ROBO2: variants seen among roughly 807,000 people sequenced by gnomAD.
The protein encoded by ROBO2 is roundabout guidance receptor 2.
ROBO2 carries 53 observed loss-of-function variants against 160.8 expected under a neutral mutation model. That is an observed-to-expected ratio of 0.33 (90% CI 0.26 to 0.41). The LOEUF (loss-of-function observed/expected upper bound fraction) is 0.41, where lower values mean the gene tolerates loss of function less well. Among genes scored for constraint, ROBO2 ranks in the 10% least tolerant of loss-of-function variants. The probability of loss-of-function intolerance (pLI) is 1.00; values close to 1 mark genes in which losing one functional copy is unlikely to be tolerated. For missense variants in ROBO2, 1,577 were observed against 1,722.4 expected (o/e 0.92, Z 1.49); for synonymous variants, 664 against 611.7 (o/e 1.09, Z -1.26).
chr3:77,264,571 GC>G (rs2059005289), intron 2 of ROBO2, among the ~76,000 whole-genome samples: 1 of 152,014 alleles, frequency 6.6e-6, no homozygotes, highest in Non-Finnish European at 1.5e-5. Flanking sequence ...ATCTATGTCT[GC>G]CAGGAAGAGA....
At chr3:76,978,146 A>G (rs550841262) in intron 2 of ROBO2, among the ~76,000 whole-genome samples, 2 of 152,302 alleles carry the variant, frequency 1.3e-5, no homozygotes, top group South Asian at 4.1e-4. Context: ...GACACTTAGT[A>G]AAGCAATTGA....
chr3:76,967,827 G>C (rs1239732340), intron 2 of ROBO2, among the ~76,000 whole-genome samples: 1 of 152,058 alleles, frequency 6.6e-6, no homozygotes, highest in Non-Finnish European at 1.5e-5. Context: ...TTATAGGCCT[G>C]AGCCGTGCCT....
At chr3:77,394,837 C>G (rs7639939) in intron 2 of ROBO2, among the ~76,000 whole-genome samples, 117,071 of 152,094 alleles carry the variant, frequency 0.77, 45,951 homozygotes, top group African/African-American at 0.94. Context: ...ATCAGCAATA[C>G]TGTTGGTATC....
intron 2 of ROBO2, among the ~76,000 whole-genome samples, chr3:76,941,332 A>T (rs147445132): frequency 1.6e-3 from 245 of 152,286 alleles, no homozygotes; most frequent in Admixed American, 5.7e-3. Flanking sequence ...TTGTTAATTC[A>T]TCACTGCATT....
chr3:77,601,650 T>C (rs1460618210), intron 19 of ROBO2, among the ~76,000 whole-genome samples: 2 of 152,230 alleles, frequency 1.3e-5, no homozygotes, highest in African/African-American at 2.4e-5. Context: ...CTGAAAATTT[T>C]CCTTTGTTAT....
chr3:77,174,134 T>C (rs919435467), intron 2 of ROBO2, among the ~76,000 whole-genome samples: 2 of 152,106 alleles, frequency 1.3e-5, no homozygotes, highest in African/African-American at 4.8e-5. Flanking sequence ...AGTTAGGTTG[T>C]GCAGATGAGG....
chr3:76,580,654 C>G (rs1405285141), intron 2 of ROBO2, among the ~76,000 whole-genome samples: 1 of 151,954 alleles, frequency 6.6e-6, no homozygotes, highest in Admixed American at 6.6e-5. Flanking sequence ...ATGTCATTAT[C>G]TGAAAAATAG....
chr3:77,361,219 T>A (rs534373619), intron 2 of ROBO2, among the ~76,000 whole-genome samples: 2 of 152,310 alleles, frequency 1.3e-5, no homozygotes, highest in African/African-American at 4.8e-5. Context: ...TTTGTTCCAG[T>A]TAAATTTGAA....
At chr3:76,056,520 C>CT (rs2067853507) in intron 2 of ROBO2, among the ~76,000 whole-genome samples, 2 of 151,528 alleles carry the variant, frequency 1.3e-5, no homozygotes, top group African/African-American at 4.9e-5. Context: ...AAAAAAAACC[C>CT]ATTCACTTTT....
At chr3:77,092,003 A>C (rs1421031824) in intron 1 of ROBO2, 1 of 150,158 alleles carries the variant, frequency 6.7e-6, no homozygotes, top group Non-Finnish European at 1.5e-5. Flanking sequence ...AAATAAATAA[A>C]TAAATAAATA....
intron 2 of ROBO2, among the ~76,000 whole-genome samples, chr3:76,612,177 C>T (rs375127321): frequency 6.6e-5 from 10 of 152,152 alleles, no homozygotes; most frequent in East Asian, 1.9e-4. Flanking sequence ...GCCTATCAAA[C>T]GATCTATCCT....
At chr3:76,569,043 T>C (rs1002156669) in intron 2 of ROBO2, among the ~76,000 whole-genome samples, 1 of 152,218 alleles carries the variant, frequency 6.6e-6, no homozygotes, top group East Asian at 1.9e-4. Context: ...TTGATATAGA[T>C]ATAAATCTCT....
At chr3:76,831,637 C>T (rs924163793) in intron 2 of ROBO2, among the ~76,000 whole-genome samples, 11 of 152,138 alleles carry the variant, frequency 7.2e-5, no homozygotes, top group African/African-American at 2.2e-4. Flanking sequence ...CATATTTATA[C>T]ATTTGTATTA....
chr3:76,204,228 C>A (rs1480594441), intron 2 of ROBO2, among the ~76,000 whole-genome samples: 1 of 152,018 alleles, frequency 6.6e-6, no homozygotes, highest in Non-Finnish European at 1.5e-5. Context: ...TGTTTACTTG[C>A]AACTATTTTA....
chr3:77,122,460 A>G (rs761649939), intron 2 of ROBO2, among the ~76,000 whole-genome samples: 1 of 152,202 alleles, frequency 6.6e-6, no homozygotes, highest in Non-Finnish European at 1.5e-5. Flanking sequence ...TGAGGTTATA[A>G]TTTAGCCGTC....
intron 2 of ROBO2, among the ~76,000 whole-genome samples, chr3:77,255,837 C>T (rs1393356808): frequency 6.6e-6 from 1 of 152,156 alleles, no homozygotes; most frequent in East Asian, 1.9e-4. Flanking sequence ...AGGTAACATT[C>T]TCGTCAAAGG....
chr3:75,916,949 A>G (rs1397351597), intron 1 of ROBO2, among the ~76,000 whole-genome samples: 2 of 151,246 alleles, frequency 1.3e-5, no homozygotes, highest in South Asian at 2.1e-4. Flanking sequence ...TAATGTACAT[A>G]TATGTACATA....
chr3:77,365,837 G>GA (rs1386057130), intron 2 of ROBO2, among the ~76,000 whole-genome samples: 2 of 127,834 alleles, frequency 1.6e-5, no homozygotes, highest in African/African-American at 5.2e-5. Context: ...GATGTGAATG[G>GA]AAGCTCTAGG....
intron 2 of ROBO2, among the ~76,000 whole-genome samples, chr3:76,436,159 A>AACACACACACAGACAC (rs1553752321): frequency 7.1e-6 from 1 of 140,522 alleles, no homozygotes; most frequent in Non-Finnish European, 1.5e-5. Flanking sequence ...TTAAAAGGAA[A>AACACACACACAGACAC]ACACACACAC....
Sources: allele counts gnomAD v4.1 joint callset (sites outside exome capture counted in the v4.1 genomes callset), GRCh38; gene constraint gnomAD v4.1.1; transcripts MANE v1.5; gene names NCBI Gene and HGNC (gene_info 2026-07-23, HGNC 2026-07-21).